L2HGDH: variants seen among roughly 807,000 people sequenced by gnomAD.
The protein encoded by L2HGDH is L-2-hydroxyglutarate dehydrogenase.
In L2HGDH, 34 loss-of-function variants were observed where a neutral mutation model predicts 51.5. That is an observed-to-expected ratio of 0.66 (90% CI 0.50 to 0.88). The LOEUF (loss-of-function observed/expected upper bound fraction) is 0.88, where lower values mean the gene tolerates loss of function less well. L2HGDH is among the 40% of genes least tolerant of loss of function. L2HGDH has a pLI of 0.00. For synonymous variants in L2HGDH, 198 were observed against 197.9 expected, an observed-to-expected ratio of 1.00 and a Z score of -0.01; for missense variants, 558 against 571.9, an observed-to-expected ratio of 0.98 and a Z score of 0.25.
intron 4 of L2HGDH, among the ~76,000 whole-genome samples, chr14:50,292,372 G>GA (rs1303613694): frequency 5.3e-5 from 8 of 152,196 alleles, no homozygotes; most frequent in Admixed American, 3.9e-4. Flanking sequence ...TAATGTTGAA[G>GA]AAAAAAACGG....
intron 1 of L2HGDH, among the ~76,000 whole-genome samples, chr14:50,306,509 T>C (rs2030733890): frequency 6.6e-6 from 1 of 152,158 alleles, no homozygotes; most frequent in African/African-American, 2.4e-5. Context: ...TAGCATAACC[T>C]TGGCCCTTAC....
chr14:50,267,924 A>G lies in L2HGDH; in HGVS notation c.907-14T>C, dbSNP rs768292792. On this transcript the variant is annotated splice_polypyrimidine_tract_variant and intron_variant, in intron 7 of 9. Transcript: ENST00000267436. ...GCTATCTGGGACCTATAAATTTAAC[A>G]TAGTAAATAACAGCCTCATTTCACA... 1 of 1,612,354 alleles carries G rather than the reference A, an allele frequency of 6.2e-7. No homozygotes were observed. Among genetic ancestry groups the G allele is most frequent in the Admixed American group, 1.7e-5 (1 of 60,028 alleles).
In L2HGDH at chr14:50,290,928, G is replaced by A. The variant is rs1340789269; in HGVS notation, c.540+3187C>T. On this transcript the variant is annotated intron_variant, in intron 4 of 9. Transcript: ENST00000267436. Reference sequence around the variant, plus strand: ...AAACATTTTTAGCATGGCCGGGCACGGTGGCTCACGCCTATAATCCCAGCA... The same window carrying A: ...AAACATTTTTAGCATGGCCGGGCACAGTGGCTCACGCCTATAATCCCAGCA... Among the ~76,000 whole-genome samples, 5 of 151,956 alleles carry A rather than the reference G, an allele frequency of 3.3e-5. No homozygotes were observed. In the East Asian group the frequency reaches 5.8e-4, roughly 18 times the overall value.
rs192578068 is a variant in L2HGDH at position 50,282,267 on chromosome 14, C to T, written c.703+1604G>A. On this transcript the variant is annotated intron_variant, in intron 5 of 9. Transcript: ENST00000267436. ...CCCCCTACGACAAAGAACGATCTGG[C>T]CCCAATATCAATAGTGTCAGGATTA... is the stretch of plus-strand genomic sequence containing the variant. Among the ~76,000 whole-genome samples, 232 of 152,188 alleles carry T rather than the reference C, an allele frequency of 1.5e-3. 1 individual carries two copies. Among genetic ancestry groups the T allele is most frequent in the African/African-American group, 4.9e-3 (205 of 41,518 alleles).
intron 6 of L2HGDH, 74 bp downstream of exon 6, chr14:50,278,446 C>T (rs1223017348): frequency 2.2e-6 from 2 of 910,376 alleles, no homozygotes; most frequent in Non-Finnish European, 3.6e-6. Context: ...AAAATACAGC[C>T]CTGTGGGTTA....
chr14:50,268,439 T>A (rs2139979699), intron 7 of L2HGDH, among the ~76,000 whole-genome samples: 1 of 147,958 alleles, frequency 6.8e-6, no homozygotes, highest in South Asian at 2.2e-4. Context: ...GATTGTTCCA[T>A]CTATGCATCT....
At chr14:50,296,357 A>AG (rs1328922168) in intron 3 of L2HGDH, among the ~76,000 whole-genome samples, 2 of 113,958 alleles carry the variant, frequency 1.8e-5, no homozygotes, top group Middle Eastern at 4.6e-3. Flanking sequence ...TGGGTGACAA[A>AG]GTGAGACCCT....
intron 3 of L2HGDH, among the ~76,000 whole-genome samples, chr14:50,295,727 AT>A (rs1015053621): frequency 1.3e-4 from 18 of 139,018 alleles, no homozygotes; most frequent in African/African-American, 2.7e-4. Context: ...CAGCCCTACA[AT>A]TTTTTTTTCA....
At chr14:50,283,760 T>C in intron 5 of L2HGDH, 111 bp downstream of exon 5, 1 of 859,192 alleles carries the variant, frequency 1.2e-6, no homozygotes, top group Non-Finnish European at 1.9e-6. Flanking sequence ...TTATTTTTTA[T>C]TGTTTTTTTT....
intron 6 of L2HGDH, among the ~76,000 whole-genome samples, chr14:50,271,278 G>A (rs563372575): frequency 2.0e-5 from 3 of 152,162 alleles, no homozygotes; most frequent in South Asian, 2.1e-4. Flanking sequence ...CAGTTCTTTC[G>A]TTCTTGGAAC....
At chr14:50,249,658 A>G (rs1196818299) in intron 9 of L2HGDH, among the ~76,000 whole-genome samples, 2 of 152,002 alleles carry the variant, frequency 1.3e-5, no homozygotes, top group Non-Finnish European at 2.9e-5. Flanking sequence ...GCGATACCCA[A>G]GGAGTGCGTC....
At chr14:50,269,093 G>T in intron 7 of L2HGDH, 70 bp downstream of exon 7, 41 of 1,281,546 alleles carry the variant, frequency 3.2e-5, no homozygotes, top group Non-Finnish European at 4.4e-5. Context: ...CCAAGTGAAA[G>T]TTGTTTTCAT....
At chr14:50,301,970 G>C in intron 3 of L2HGDH, 47 bp downstream of exon 3, 1 of 1,587,792 alleles carries the variant, frequency 6.3e-7, no homozygotes, top group Non-Finnish European at 8.6e-7. Context: ...ACATCACTAA[G>C]CAAATGCTAG....
chr14:50,292,816 T>C (rs1474654852), intron 4 of L2HGDH, among the ~76,000 whole-genome samples: 1 of 151,456 alleles, frequency 6.6e-6, no homozygotes, highest in Admixed American at 6.6e-5. Flanking sequence ...ACCCAGGAGA[T>C]GGAGGTTGCA....
intron 9 of L2HGDH, among the ~76,000 whole-genome samples, chr14:50,252,607 G>GA (rs908552224): frequency 2.0e-5 from 3 of 151,934 alleles, no homozygotes; most frequent in Non-Finnish European, 4.4e-5. Context: ...CAATGGAAAT[G>GA]AAAAAAGAGC....
chr14:50,274,720 TAA>T (rs966976247), intron 6 of L2HGDH, among the ~76,000 whole-genome samples: 19 of 152,264 alleles, frequency 1.2e-4, no homozygotes, highest in African/African-American at 3.6e-4. Flanking sequence ...AGAACAACGT[TAA>T]GTGTCCATTG....
chr14:50,301,211 T>G (rs1157101709), intron 3 of L2HGDH, among the ~76,000 whole-genome samples: 1 of 152,214 alleles, frequency 6.6e-6, no homozygotes. Context: ...GAATCCTTAT[T>G]AATTACTGGT....
chr14:50,258,391 T>A (rs986252491), intron 9 of L2HGDH, among the ~76,000 whole-genome samples: 1 of 152,114 alleles, frequency 6.6e-6, no homozygotes, highest in Non-Finnish European at 1.5e-5. Context: ...AATTGTTTTT[T>A]AAAAATATTT....
intron 6 of L2HGDH, among the ~76,000 whole-genome samples, chr14:50,274,319 A>G (rs1238338201): frequency 6.6e-6 from 1 of 151,718 alleles, no homozygotes; most frequent in East Asian, 1.9e-4. Context: ...CTGAATATGT[A>G]TTTTTATGTA....
Sources: gnomAD v4.1 joint callset for allele counts (sites outside exome capture counted in the v4.1 genomes callset) on GRCh38, gnomAD v4.1.1 for gene constraint, MANE v1.5 for transcripts, NCBI Gene and HGNC (gene_info 2026-07-23, HGNC 2026-07-21) for gene names.